CEP135: variants seen among roughly 807,000 people sequenced by gnomAD.
CEP135 encodes centrosomal protein of 135 kDa.
A neutral mutation model predicts 157.3 loss-of-function variants in CEP135; 142 were observed. That is an observed-to-expected ratio of 0.90 (90% confidence interval 0.79 to 1.04). The LOEUF is 1.04. CEP135 is among the 50% of genes least tolerant of loss of function. The probability of loss-of-function intolerance (pLI) is 0.00; values close to 1 mark genes in which losing one functional copy is unlikely to be tolerated. For synonymous variants in CEP135, 396 were observed against 439.8 expected, an observed-to-expected ratio of 0.90 and a Z score of 1.25; for missense variants, 1,317 against 1,309.2, an observed-to-expected ratio of 1.01 and a Z score of -0.09.
chr4:55,971,696 AG>A (rs1339088931), intron 10 of CEP135, among the ~76,000 whole-genome samples: 7 of 152,210 alleles, frequency 4.6e-5, no homozygotes, highest in Non-Finnish European at 8.8e-5. Context: ...GTAAGACTAA[AG>A]GGAAGGCTAT....
chr4:56,027,801 C>A (rs565062975), intron 25 of CEP135, among the ~76,000 whole-genome samples: 10 of 152,058 alleles, frequency 6.6e-5, no homozygotes, highest in Non-Finnish European at 1.2e-4. Context: ...GCAATCCTCC[C>A]GCCTCAGCCT....
chr4:55,962,892 T>C (rs1305369451), intron 6 of CEP135, among the ~76,000 whole-genome samples: 1 of 152,168 alleles, frequency 6.6e-6, no homozygotes, highest in Non-Finnish European at 1.5e-5. Context: ...CTCCTTCATC[T>C]CTCTGTGGCT....
At position 56,009,641 on chromosome 4, in the gene CEP135, G is replaced by A. The variant is rs142855833; in HGVS notation, c.2337-94G>A. Reference sequence around the variant, plus strand: ...AATTTCTTATAATCACAGTATATTTGTATTCTAAGTATACTTAGACTATAA... The same window carrying A: ...AATTTCTTATAATCACAGTATATTTATATTCTAAGTATACTTAGACTATAA... On this transcript the variant is annotated intron_variant, in intron 18 of 25. Coordinates refer to ENST00000257287, the MANE Select transcript of CEP135 (RefSeq NM_025009.5). 227 of 1,043,336 alleles carry A rather than the reference G, an allele frequency of 2.2e-4. 1 individual carries two copies. The African/African-American group carries it at 3.1e-3, about 14-fold the overall frequency. 64.6% of individuals were successfully genotyped at this position (1,043,336 alleles called of 1,614,324 possible).
chr4:56,027,003 C>T (rs12642567), intron 25 of CEP135, among the ~76,000 whole-genome samples: 28,830 of 152,162 alleles, frequency 0.19, 3,173 homozygotes, highest in Non-Finnish European at 0.26. Flanking sequence ...TATTCTTTGA[C>T]GTACTGATGC....
intron 18 of CEP135, 66 bp downstream of exon 18, chr4:56,008,448 T>TGCTG: frequency 8.2e-7 from 1 of 1,215,692 alleles, no homozygotes; most frequent in Non-Finnish European, 1.2e-6. Context: ...CTTTATCTAT[T>TGCTG]CAGTAGCATT....
At chr4:56,016,963 C>G (rs1383515938) in intron 21 of CEP135, among the ~76,000 whole-genome samples, 1 of 152,026 alleles carries the variant, frequency 6.6e-6, no homozygotes, top group East Asian at 1.9e-4. Context: ...CGTGAGCCAC[C>G]CAGCCGTTTT....
intron 1 of CEP135, among the ~76,000 whole-genome samples, chr4:55,951,551 T>C (rs1278607243): frequency 6.6e-6 from 1 of 152,232 alleles, no homozygotes; most frequent in African/African-American, 2.4e-5. Context: ...TTCGAATCTT[T>C]AGCGCAACTA....
intron 14 of CEP135, among the ~76,000 whole-genome samples, chr4:55,986,384 A>AT (rs931388302): frequency 1.3e-5 from 2 of 152,052 alleles, no homozygotes; most frequent in African/African-American, 4.8e-5. Flanking sequence ...TCTACAAAAA[A>AT]TTTACAAATT....
chr4:55,969,114 G>C lies in CEP135; in HGVS notation c.1096G>C (p.Ala366Pro). ...AATGCAGGATCTTGAAGAAACAATGGCAAAACTTCAGCTGGTAAGTTGATG... is the reference window on the plus strand; with the variant it reads ...AATGCAGGATCTTGAAGAAACAATGCCAAAACTTCAGCTGGTAAGTTGATG... ...SEMQDLEETM[A>P]KLQLELNLCQ... The change falls in exon 9 of 26, where the codon GCA becomes CCA. Residue 366 changes from alanine (A) to proline (P), a missense_variant. By Grantham distance (27) the Ala-to-Pro change is conservative. Transcript: ENST00000257287. The C allele has an allele frequency of 6.2e-7, 1 of 1,612,406 alleles. No homozygotes were observed. Among genetic ancestry groups the C allele is most frequent in the Non-Finnish European group, 8.5e-7 (1 of 1,179,456 alleles).
chr4:56,022,004 T>A (rs925961576), intron 24 of CEP135, among the ~76,000 whole-genome samples: 1 of 152,062 alleles, frequency 6.6e-6, no homozygotes, highest in Non-Finnish European at 1.5e-5. Context: ...CCCTCCAGCC[T>A]GAGTAACAGT....
chr4:55,954,182 T>C (rs756529542), intron 3 of CEP135, 34 bp from the exon 4 acceptor site: 192 of 1,531,210 alleles, frequency 1.3e-4, no homozygotes, highest in Non-Finnish European at 1.7e-4. Context: ...TTTCTTGATC[T>C]TTAAAACGGT....
intron 2 of CEP135, 128 bp from the exon 3 acceptor site, chr4:55,952,957 G>A: frequency 1.4e-6 from 1 of 718,486 alleles, no homozygotes. Flanking sequence ...TCCTATATGT[G>A]GTCTGTCGTT....
intron 21 of CEP135, among the ~76,000 whole-genome samples, chr4:56,012,795 A>G (rs1435933485): frequency 6.6e-6 from 1 of 152,242 alleles, no homozygotes; most frequent in Non-Finnish European, 1.5e-5. Context: ...TCCTCTGTCA[A>G]TGGACATTTG....
Position 55,957,147 on chromosome 4 carries a change from AG to A in CEP135, c.473-74del, listed in dbSNP as rs745967355. 668 of 1,501,742 alleles carry A rather than the reference AG, an allele frequency of 4.4e-4. 5 individuals are homozygous for A. The Middle Eastern group carries it at 0.016, about 37-fold the overall frequency. 93.0% of individuals were successfully genotyped at this position (1,501,742 alleles called of 1,614,324 possible). A position where few individuals can be genotyped will look rare whatever the true frequency, so the allele number is the denominator to read the frequency against. On this transcript the variant is annotated intron_variant, in intron 4 of 25. Coordinates refer to ENST00000257287, the MANE Select transcript of CEP135 (RefSeq NM_025009.5). ...ACTGCAGACACACTTTATAACCGAA[AG>A]GCTAACCTGGAATATTTAATTCTAA...
chr4:55,985,255 A>G, intron 13 of CEP135, 26 bp from the exon 14 acceptor site: 1 of 1,335,820 alleles, frequency 7.5e-7, no homozygotes. Context: ...ATACAAATGA[A>G]CATTTTCTTT....
At chr4:56,018,761 A>G (rs536029653) in intron 22 of CEP135, among the ~76,000 whole-genome samples, 37 of 150,178 alleles carry the variant, frequency 2.5e-4, no homozygotes, top group African/African-American at 8.0e-4. Context: ...CCTTGTCTCA[A>G]AAAAAAAAAG....
At position 56,032,550 on chromosome 4, in the gene CEP135, T is replaced by G. The variant is rs571836647; in HGVS notation, c.*1202T>G. The G allele has an allele frequency of 6.6e-6, 1 of 152,204 alleles. No homozygotes were observed. Among genetic ancestry groups the G allele is most frequent in the Non-Finnish European group, 1.5e-5 (1 of 68,044 alleles). 9.4% of individuals were successfully genotyped at this position (152,204 alleles called of 1,614,324 possible). A position where few individuals can be genotyped will look rare whatever the true frequency, so the allele number is the denominator to read the frequency against. On this transcript the variant is annotated 3_prime_UTR_variant, in exon 26 of 26. Transcript: ENST00000257287. The stretch of plus-strand genomic sequence containing the variant: ...ACTCTTTTTCTTCTAAGCCTGTGTG[T>G]TATAATTTACCAGTTCCCCAAAATG...
intron 19 of CEP135, among the ~76,000 whole-genome samples, chr4:56,010,959 C>T (rs777685222): frequency 2.0e-5 from 3 of 151,970 alleles, no homozygotes; most frequent in Non-Finnish European, 4.4e-5. Flanking sequence ...TCAGACCAGG[C>T]GTGGTAGCTC....
intron 6 of CEP135, 91 bp downstream of exon 6, chr4:55,959,857 T>C (rs1378918674): frequency 2.0e-6 from 2 of 986,820 alleles, no homozygotes; most frequent in African/African-American, 1.6e-5. Flanking sequence ...TTGCTGATAC[T>C]GAGTTTTTAT....
Sources: gnomAD v4.1 joint callset for allele counts (sites outside exome capture counted in the v4.1 genomes callset) on GRCh38, gnomAD v4.1.1 for gene constraint, MANE v1.5 for transcripts, NCBI Gene and HGNC (gene_info 2026-07-23, HGNC 2026-07-21) for gene names.